PRKCQ: variants seen among roughly 807,000 people sequenced by gnomAD.
PRKCQ encodes the protein protein kinase C theta type.
In PRKCQ, 41 loss-of-function variants were observed where a neutral mutation model predicts 91.2. That is an observed-to-expected ratio of 0.45 (90% CI 0.35 to 0.58). The LOEUF (loss-of-function observed/expected upper bound fraction) is 0.58. Among genes scored for constraint, PRKCQ ranks in the 20% least tolerant of loss-of-function variants. PRKCQ has a pLI of 0.00. For synonymous variants in PRKCQ, 307 were observed against 316.9 expected, an observed-to-expected ratio of 0.97 and a Z score of 0.33; for missense variants, 673 against 896.5, an observed-to-expected ratio of 0.75 and a Z score of 3.18.
At chr10:6,445,867 A>T (rs926081627) in intron 15 of PRKCQ, among the ~76,000 whole-genome samples, 17 of 152,254 alleles carry the variant, frequency 1.1e-4, no homozygotes, top group African/African-American at 4.1e-4. Context: ...AGACTTGCCC[A>T]CAAGGCGGCG....
chr10:6,573,716 A>AT (rs1178128506), intron 1 of PRKCQ, among the ~76,000 whole-genome samples: 8 of 152,136 alleles, frequency 5.3e-5, no homozygotes, highest in African/African-American at 1.9e-4. Context: ...CCAGATAGAA[A>AT]TTTTTTTCTT....
chr10:6,478,158 G>A (rs551464741), intron 12 of PRKCQ, among the ~76,000 whole-genome samples: 12 of 152,268 alleles, frequency 7.9e-5, no homozygotes, highest in South Asian at 2.1e-4. Context: ...ATCCAAAGAC[G>A]TAAGAAAATG....
At chr10:6,519,170 A>G (rs1379259566) in intron 1 of PRKCQ, among the ~76,000 whole-genome samples, 1 of 152,214 alleles carries the variant, frequency 6.6e-6, no homozygotes, top group Non-Finnish European at 1.5e-5. Flanking sequence ...CGGAGCAGAT[A>G]GTAGGGGGAA....
chr10:6,404,968 T>TTCCTTCCTTC, the PRKCQ span, among the ~76,000 whole-genome samples: 10 of 147,298 alleles, frequency 6.8e-5, 1 homozygote, highest in South Asian at 2.2e-4. Flanking sequence ...CCTTCCTTCC[T>TTCCTTCCTTC]TCTCTCTCTC....
At chr10:6,452,369 C>T (rs183767503) in intron 15 of PRKCQ, among the ~76,000 whole-genome samples, 58,363 of 151,130 alleles carry the variant, frequency 0.39, 11,683 homozygotes, top group East Asian at 0.5. Context: ...TTACAAGGGA[C>T]ATGAAGGACC....
At chr10:6,552,460 C>CT (rs59752400) in intron 1 of PRKCQ, among the ~76,000 whole-genome samples, 3,629 of 137,260 alleles carry the variant, frequency 0.026, 53 homozygotes, top group Middle Eastern at 0.038. Flanking sequence ...ACCTGTTAGT[C>CT]TTTTTTTTTT....
rs565049921 is a variant in PRKCQ at position 6,502,490 on chromosome 10, C to T, written c.380-3932G>A. ...CAGAGTGCAGAGGGTGAAGCAGAAA[C>T]GATCAGCAGTCACTTCCAGAAGATG... On this transcript the variant is annotated intron_variant, in intron 4 of 17. Coordinates refer to ENST00000263125, the MANE Select transcript of PRKCQ (RefSeq NM_006257.5). Among the ~76,000 whole-genome samples, 10 of 152,300 alleles carry T rather than the reference C, an allele frequency of 6.6e-5. No individual in the cohort carries two copies. In the East Asian group the frequency reaches 7.7e-4, roughly 12 times the overall value.
At chr10:6,448,102 G>A (rs1269906984) in intron 15 of PRKCQ, among the ~76,000 whole-genome samples, 1 of 152,226 alleles carries the variant, frequency 6.6e-6, no homozygotes, top group African/African-American at 2.4e-5. Context: ...CCAGAGGTGG[G>A]GAATTCAGTA....
At chr10:6,448,035 G>A (rs1179064565) in intron 15 of PRKCQ, among the ~76,000 whole-genome samples, 1 of 152,224 alleles carries the variant, frequency 6.6e-6, no homozygotes, top group African/African-American at 2.4e-5. Context: ...GACCAGGGGT[G>A]GGATTTTTCC....
At chr10:6,419,578 A>G in the PRKCQ span, among the ~76,000 whole-genome samples, 2 of 151,844 alleles carry the variant, frequency 1.3e-5, no homozygotes, top group African/African-American at 4.8e-5. Flanking sequence ...TTATCTTTGC[A>G]TTTCTGGACA....
intron 8 of PRKCQ, among the ~76,000 whole-genome samples, chr10:6,487,428 C>T (rs1045157677): frequency 6.6e-6 from 1 of 152,196 alleles, no homozygotes; most frequent in African/African-American, 2.4e-5. Flanking sequence ...GCTTGCACAG[C>T]GTGGACACTG....
At chr10:6,418,053 G>A in the PRKCQ span, among the ~76,000 whole-genome samples, 1 of 152,122 alleles carries the variant, frequency 6.6e-6, no homozygotes, top group African/African-American at 2.4e-5. Flanking sequence ...GCCTTCTCAG[G>A]CTCCTCCAAA....
the PRKCQ span, among the ~76,000 whole-genome samples, chr10:6,395,580 T>G: frequency 2.3e-4 from 35 of 152,150 alleles, no homozygotes; most frequent in African/African-American, 8.0e-4. Context: ...TAAACCATAA[T>G]TTCTAATCTT....
At chr10:6,483,696 G>A in intron 10 of PRKCQ, 96 bp from the exon 11 acceptor site, 4 of 1,421,502 alleles carry the variant, frequency 2.8e-6, no homozygotes, top group Non-Finnish European at 3.9e-6. Context: ...TTCCCATGCT[G>A]AGGCTCCATC....
At chr10:6,506,952 A>G (rs1379533803) in intron 4 of PRKCQ, among the ~76,000 whole-genome samples, 1 of 152,200 alleles carries the variant, frequency 6.6e-6, no homozygotes, top group Non-Finnish European at 1.5e-5. Context: ...GTGTTTTCTC[A>G]CCTTTTCTTG....
In PRKCQ at chr10:6,491,710, G is replaced by T; in HGVS notation, c.763C>A (p.Leu255Met). The T allele has an allele frequency of 5.6e-6, 9 of 1,614,174 alleles. No homozygotes were observed. Among genetic ancestry groups the T allele is most frequent in the Admixed American group, 1.7e-5 (1 of 60,022 alleles). The change falls in exon 8 of 18, where the codon CTG (leucine) becomes ATG (methionine). Residue 255 changes from leucine to methionine, a missense_variant. Leu to Met is a conservative substitution (Grantham distance 15). Coordinates refer to ENST00000263125, the MANE Select transcript of PRKCQ (RefSeq NM_006257.5). Reference sequence around the variant, plus strand: ...TCACACTTGAGTCCTTGCCGTGCCAGTCCCCACAGCAGGGTCCCACAGTGT... The same window carrying T: ...TCACACTTGAGTCCTTGCCGTGCCATTCCCCACAGCAGGGTCCCACAGTGT... ...CEHCGTLLWG[L>M]ARQGLKCDAC...
chr10:6,559,129 G>A (rs1255358142), intron 1 of PRKCQ, among the ~76,000 whole-genome samples: 2 of 152,126 alleles, frequency 1.3e-5, no homozygotes, highest in Non-Finnish European at 1.5e-5. Flanking sequence ...GAAAAGTTAC[G>A]TATCCTCATT....
At chr10:6,421,308 G>A in the PRKCQ span, among the ~76,000 whole-genome samples, 3 of 152,120 alleles carry the variant, frequency 2.0e-5, no homozygotes, top group Non-Finnish European at 2.9e-5. The surrounding 1 kb of genome is among the most constrained non-coding windows in gnomAD (Gnocchi z 4.1). Context: ...AACAAAGTGA[G>A]ACCCTGTCTC....
chr10:6,494,304 T>C (rs1362560931), intron 7 of PRKCQ, among the ~76,000 whole-genome samples: 1 of 152,194 alleles, frequency 6.6e-6, no homozygotes, highest in African/African-American at 2.4e-5. Context: ...TTGACTGTTT[T>C]GTTTATCTGT....
Sources: gnomAD v4.1 joint callset for allele counts (sites outside exome capture counted in the v4.1 genomes callset) on GRCh38, gnomAD v4.1.1 for gene constraint, Gnocchi (gnomAD v3.1) non-coding constraint, MANE v1.5 for transcripts, NCBI Gene and HGNC (gene_info 2026-07-23, HGNC 2026-07-21) for gene names.